ING3: variants seen among roughly 807,000 people sequenced by gnomAD.
ING3 encodes the protein inhibitor of growth protein 3.
ING3 carries 6 observed loss-of-function variants against 64.8 expected under a neutral mutation model. The observed-to-expected ratio is 0.09, with a 90% CI of 0.05 to 0.18. The LOEUF is 0.18. ING3 is among the 10% of genes least tolerant of loss of function. ING3 has a pLI of 1.00. For missense variants in ING3, 310 were observed against 489.7 expected (o/e 0.63, Z 3.46); for synonymous variants, 170 against 173.7 (o/e 0.98, Z 0.17).
intron 4 of ING3, among the ~76,000 whole-genome samples, chr7:120,958,280 A>G (rs189484404): frequency 2.0e-4 from 30 of 151,000 alleles, no homozygotes; most frequent in African/African-American, 6.8e-4. Context: ...GGTGAACATT[A>G]TATCCTTAAT....
intron 4 of ING3, chr7:120,956,819 A>C: frequency 1.0e-6 from 1 of 973,480 alleles, no homozygotes; most frequent in South Asian, 4.8e-5. Context: ...TGTATGTATC[A>C]GTCCTTATTT....
rs1269141504 is a variant in ING3 at position 120,956,385 on chromosome 7, C to T, written c.267+761C>T. 3 of 1,320,464 alleles carry T rather than the reference C, an allele frequency of 2.3e-6. No homozygotes were observed. In the African/African-American group the frequency reaches 4.5e-5, roughly 20 times the overall value. The allele number at this position is 1,320,464 out of a possible 1,614,324, so 81.8% of individuals were successfully genotyped here. A position where few individuals can be genotyped will look rare whatever the true frequency, so the allele number is the denominator to read the frequency against. ...TAGATTTCATACTTATGTTGTCTTT[C>T]CTGGGTACAGATTTATTACTGAACA... On this transcript the variant is annotated intron_variant, in intron 4 of 11. Coordinates refer to ENST00000315870, the MANE Select transcript of ING3 (RefSeq NM_019071.3).
chr7:120,960,602 A>AT (rs1422762088), intron 4 of ING3, among the ~76,000 whole-genome samples: 2 of 152,026 alleles, frequency 1.3e-5, no homozygotes, highest in South Asian at 2.1e-4. Context: ...AGTAGTAAAC[A>AT]TTTTTTTTCC....
Position 120,967,503 on chromosome 7 carries a change from C to A in ING3, c.437-26C>A. Reference sequence around the variant, plus strand: ...TCCATAGTTCTCTAAAGTTTAAAAACACATGAATTTTTTATTTATATTTAG... The same window carrying A: ...TCCATAGTTCTCTAAAGTTTAAAAAAACATGAATTTTTTATTTATATTTAG... On this transcript the variant is annotated intron_variant, in intron 6 of 11. Coordinates refer to ENST00000315870, the MANE Select transcript of ING3 (RefSeq NM_019071.3). 4 of 1,471,298 alleles carry A rather than the reference C, an allele frequency of 2.7e-6. No homozygotes were observed. The South Asian group carries it at 5.1e-5, about 19-fold the overall frequency. The allele number at this position is 1,471,298 out of a possible 1,614,324, so 91.1% of individuals were successfully genotyped here.
intron 10 of ING3, among the ~76,000 whole-genome samples, chr7:120,971,605 C>T (rs1796071106): frequency 1.3e-5 from 2 of 152,062 alleles, no homozygotes; most frequent in Admixed American, 6.6e-5. Flanking sequence ...GTATACCGAA[C>T]ATGATTTTTC....
At chr7:120,963,286 G>C (rs1276102940) in intron 4 of ING3, among the ~76,000 whole-genome samples, 1 of 152,060 alleles carries the variant, frequency 6.6e-6, no homozygotes, top group African/African-American at 2.4e-5. Flanking sequence ...ACTCTGAAAA[G>C]TAATGTGTGT....
intron 11 of ING3, among the ~76,000 whole-genome samples, chr7:120,974,388 T>C (rs1258488071): frequency 6.6e-6 from 1 of 152,212 alleles, no homozygotes; most frequent in Non-Finnish European, 1.5e-5. Context: ...AATAAAATCT[T>C]AAGTTATATT....
chr7:120,961,820 A>C (rs1485484222), intron 4 of ING3, among the ~76,000 whole-genome samples: 1 of 152,232 alleles, frequency 6.6e-6, no homozygotes, highest in African/African-American at 2.4e-5. Flanking sequence ...AACTTTGTTT[A>C]TAGCACTTGT....
chr7:120,964,878 A>C (rs974471454), intron 5 of ING3, 40 bp downstream of exon 5: 3 of 1,493,426 alleles, frequency 2.0e-6, no homozygotes, highest in Non-Finnish European at 2.8e-6. Context: ...ATTGGACAGT[A>C]CATGTGCAAA....
intron 5 of ING3, 29 bp from the exon 6 acceptor site, chr7:120,966,597 G>GGT (rs1173427263): frequency 6.5e-7 from 1 of 1,530,072 alleles, no homozygotes; most frequent in Non-Finnish European, 9.1e-7. Flanking sequence ...ATTTAATGGT[G>GGT]GTGTATCTCT....
chr7:120,968,905 TA>T, intron 8 of ING3, 105 bp from the exon 9 acceptor site: 1 of 525,380 alleles, frequency 1.9e-6, no homozygotes, highest in Non-Finnish European at 3.2e-6. Flanking sequence ...TTAAACAATA[TA>T]AATTAACATT....
At chr7:120,969,864 T>C (rs1263851027) in intron 9 of ING3, among the ~76,000 whole-genome samples, 1 of 152,244 alleles carries the variant, frequency 6.6e-6, no homozygotes, top group Non-Finnish European at 1.5e-5. Context: ...ATATTTTTTG[T>C]GAATTAATCC....
chr7:120,953,272 A>G (rs774137273), intron 2 of ING3, 32 bp from the exon 3 acceptor site: 19 of 1,349,658 alleles, frequency 1.4e-5, no homozygotes, highest in Non-Finnish European at 2.0e-5. Flanking sequence ...GAATTTGGTC[A>G]TTTAATATGA....
At chr7:120,971,296 G>A (rs1179947298) in intron 10 of ING3, among the ~76,000 whole-genome samples, 2 of 152,154 alleles carry the variant, frequency 1.3e-5, no homozygotes, top group Admixed American at 6.5e-5. Flanking sequence ...CCTTCTCACC[G>A]GGTCCTCACA....
At position 120,956,470 on chromosome 7, in the gene ING3, A is replaced by T; in HGVS notation, c.267+846A>T. The T allele has an allele frequency of 1.4e-5, 10 of 739,046 alleles. No homozygotes were observed. The South Asian group carries it at 2.7e-4, about 20-fold the overall frequency. The allele number at this position is 739,046 out of a possible 1,614,324, so 45.8% of individuals were successfully genotyped here. A position where few individuals can be genotyped will look rare whatever the true frequency, so the allele number is the denominator to read the frequency against. The stretch of plus-strand genomic sequence containing the variant: ...ACACAAGATAAAAGGTGAACACCAC[A>T]TATGGTGTGAATTGTAAATGCTTAT... On this transcript the variant is annotated intron_variant, in intron 4 of 11. Coordinates refer to ENST00000315870, the MANE Select transcript of ING3 (RefSeq NM_019071.3).
intron 10 of ING3, among the ~76,000 whole-genome samples, chr7:120,972,380 T>C (rs150740359): frequency 2.0e-3 from 311 of 152,298 alleles, no homozygotes; most frequent in African/African-American, 7.2e-3. Context: ...ATTTTAACAA[T>C]TTGTTAGCTG....
intron 8 of ING3, 145 bp from the exon 9 acceptor site, chr7:120,968,864 AAG>A: frequency 3.9e-5 from 21 of 533,050 alleles, no homozygotes; most frequent in South Asian, 1.4e-4. Context: ...AAAAAAAAAA[AAG>A]CTTAAATTCC....
intron 6 of ING3, 167 bp from the exon 7 acceptor site, chr7:120,967,362 A>G (rs1336626726): frequency 8.8e-6 from 4 of 453,910 alleles, no homozygotes; most frequent in Non-Finnish European, 1.1e-5. Context: ...CTTAATAAAC[A>G]TGTGACACAG....
intron 4 of ING3, among the ~76,000 whole-genome samples, chr7:120,963,654 G>A (rs1048760169): frequency 6.6e-6 from 1 of 152,014 alleles, no homozygotes; most frequent in Non-Finnish European, 1.5e-5. Context: ...AGATCAGATC[G>A]AGGGCTAGAA....
Sources: allele counts gnomAD v4.1 joint callset (sites outside exome capture counted in the v4.1 genomes callset), GRCh38; gene constraint gnomAD v4.1.1; transcripts MANE v1.5; gene names NCBI Gene and HGNC (gene_info 2026-07-23, HGNC 2026-07-21).